The following CDH23 variants were observed in gnomAD, a reference collection of about 807,000 sequenced individuals.
The protein encoded by CDH23 is cadherin related 23, also known as cadherin-23.
CDH23 carries 189 observed loss-of-function variants against 317.1 expected under a neutral mutation model. The ratio of observed to expected loss-of-function variants is 0.60; its 90% CI spans 0.53 to 0.67. The LOEUF (loss-of-function observed/expected upper bound fraction) is 0.67. Ranked by LOEUF, CDH23 falls within the 30% of genes least tolerant of loss-of-function variation. CDH23 has a pLI of 0.00. For missense variants in CDH23, 4,401 were observed against 4,592.4 expected (o/e 0.96, Z 1.20); for synonymous variants, 1,839 against 1,876.8 (o/e 0.98, Z 0.52).
chr10:71,416,621 T>A (rs1450139393), intron 1 of CDH23, among the ~76,000 whole-genome samples: 1 of 151,852 alleles, frequency 6.6e-6, no homozygotes, highest in African/African-American at 2.4e-5. Flanking sequence ...GATCTGCTAT[T>A]GAATTTTTGC....
chr10:71,596,692 T>C (rs1044078145), intron 9 of CDH23, among the ~76,000 whole-genome samples: 1 of 152,060 alleles, frequency 6.6e-6, no homozygotes, highest in South Asian at 2.1e-4. Flanking sequence ...TGGACAGACA[T>C]GAGAAGCAGA....
chr10:71,792,522 C>T (rs1564796019), intron 47 of CDH23, among the ~76,000 whole-genome samples: 1 of 151,834 alleles, frequency 6.6e-6, no homozygotes, highest in East Asian at 1.9e-4. Flanking sequence ...AAACAACAAA[C>T]CAAAAAGTAT....
intron 6 of CDH23, among the ~76,000 whole-genome samples, chr10:71,541,272 C>T (rs1038883685): frequency 2.0e-5 from 3 of 152,178 alleles, no homozygotes; most frequent in African/African-American, 4.8e-5. Context: ...GTCATTTTCA[C>T]GCAGCAATTA....
chr10:71,716,236 G>A (rs958353934), intron 28 of CDH23: 4 of 1,550,368 alleles, frequency 2.6e-6, no homozygotes, highest in South Asian at 2.4e-5. Flanking sequence ...TGGGGAGGGG[G>A]TCAGTTGCCT....
intron 12 of CDH23, among the ~76,000 whole-genome samples, chr10:71,644,561 G>A (rs1564706101): frequency 6.6e-6 from 1 of 152,212 alleles, no homozygotes; most frequent in South Asian, 2.1e-4. Flanking sequence ...AACCAGCCTT[G>A]CAGGGACTAT....
rs1256722262 is a variant in CDH23 at position 71,773,520 on chromosome 10, T to G, written c.4846-4160T>G. ...CCGGCGCGGGGAAGCCTCCCGCGAC[T>G]GAGTGCGAGCGAGTGAGCGCTGCGG... On this transcript the variant is annotated intron_variant, in intron 38 of 69. Transcript: ENST00000224721. The G allele has an allele frequency of 3.6e-6, 5 of 1,388,806 alleles. No homozygotes were observed. In the South Asian group the frequency reaches 5.1e-5, roughly 14 times the overall value. 86.0% of individuals were successfully genotyped at this position (1,388,806 alleles called of 1,614,324 possible). A position where few individuals can be genotyped will look rare whatever the true frequency, so the allele number is the denominator to read the frequency against.
Position 71,555,467 on chromosome 10 carries a change from T to G in CDH23, c.430-11275T>G, listed in dbSNP as rs76360712. The stretch of plus-strand genomic sequence containing the variant: ...TTATGAACTTTGGTGCCACTTTGAC[T>G]CTTGATCCTTTGTATGTGGGCCAGC... On this transcript the variant is annotated intron_variant, in intron 6 of 69. Coordinates refer to ENST00000224721, the MANE Select transcript of CDH23 (RefSeq NM_022124.6). Among the ~76,000 whole-genome samples, 4,453 of 152,310 alleles carry G rather than the reference T, an allele frequency of 0.029. 466 individuals are homozygous for G. The East Asian group carries it at 0.34, about 12-fold the overall frequency.
In CDH23 at chr10:71,767,719, T is replaced by C. The variant is rs181252079; in HGVS notation, c.4846-9961T>C. 1.4e-3 allele frequency among the ~76,000 whole-genome samples: 219 copies of C among 152,362 alleles called. 3 individuals are homozygous for C. Among genetic ancestry groups the C allele is most frequent in the Admixed American group, 2.8e-3 (43 of 15,310 alleles). The stretch of plus-strand genomic sequence containing the variant: ...GGGCCTGAAGCCAGCAAGTCTGCCC[T>C]GGGGCTTTCTGGCCAGTGAGGACAA... On this transcript the variant is annotated intron_variant, in intron 38 of 69. Coordinates refer to ENST00000224721, the MANE Select transcript of CDH23 (RefSeq NM_022124.6).
intron 9 of CDH23, among the ~76,000 whole-genome samples, chr10:71,608,745 G>A (rs1860679417): frequency 6.6e-6 from 1 of 152,234 alleles, no homozygotes; most frequent in Non-Finnish European, 1.5e-5. Flanking sequence ...CGTGAGTTCT[G>A]AGCCCAGCAC....
chr10:71,764,611 G>A (rs9415996), intron 38 of CDH23, among the ~76,000 whole-genome samples: 47,905 of 152,042 alleles, frequency 0.32, 8,469 homozygotes, highest in South Asian at 0.47. Flanking sequence ...TGTCAGCTGG[G>A]GCTCAGTAGC....
chr10:71,551,798 A>G (rs1856611716), intron 6 of CDH23, among the ~76,000 whole-genome samples: 1 of 152,106 alleles, frequency 6.6e-6, no homozygotes, highest in South Asian at 2.1e-4. Context: ...CCGAGACACA[A>G]TAGACCAAGG....
At chr10:71,690,392 C>G in intron 19 of CDH23, 76 bp from the exon 20 acceptor site, 1 of 1,094,976 alleles carries the variant, frequency 9.1e-7, no homozygotes, top group South Asian at 1.5e-5. Flanking sequence ...GCAAATGCTG[C>G]TCCCAGGGCT....
intron 9 of CDH23, among the ~76,000 whole-genome samples, chr10:71,590,034 G>A (rs1048778182): frequency 6.6e-6 from 1 of 152,202 alleles, no homozygotes; most frequent in Admixed American, 6.5e-5. Flanking sequence ...CTGGCTGTAA[G>A]CCCATTTTTC....
At chr10:71,561,299 C>T (rs1857119117) in intron 6 of CDH23, among the ~76,000 whole-genome samples, 1 of 151,816 alleles carries the variant, frequency 6.6e-6, no homozygotes, top group African/African-American at 2.4e-5. Context: ...CTTCCTTCTC[C>T]TTGCCCCTCC....
In CDH23 at chr10:71,753,944, G is replaced by C. The variant is rs76857130; in HGVS notation, c.4845+12023G>C. On this transcript the variant is annotated intron_variant, in intron 38 of 69. Coordinates refer to ENST00000224721, the MANE Select transcript of CDH23 (RefSeq NM_022124.6). ...CTCTGTGCCACCCTTTGGGGTGAGG[G>C]TTGTTGGTCCCATTTTAGAGCTGGG... is the stretch of plus-strand genomic sequence containing the variant. 2,943 of 450,254 alleles carry C rather than the reference G, an allele frequency of 6.5e-3. 73 individuals are homozygous for C. The highest frequency in any genetic ancestry group is 0.053 in the African/African-American group (2,634 of 50,046). The allele number at this position is 450,254 out of a possible 1,614,324, so 27.9% of individuals were successfully genotyped here.
chr10:71,815,071 C>T lies in CDH23; in HGVS notation c.9858C>T (p.His3286=), dbSNP rs761835004. 46 of 1,611,620 alleles carry T rather than the reference C, an allele frequency of 2.9e-5. No individual in the cohort carries two copies. The highest frequency in any genetic ancestry group is 6.7e-5 in the African/African-American group (5 of 74,922). ...GGCCCGATGGGATCCATGTGGTGCA[C>T]GGCAGCACGGGCACGCTGCTGGCCA... The part of the protein sequence containing the change: ...LKGPDGIHVV[H]GSTGTLLATD... The change falls in exon 70 of 70, where the codon CAC becomes CAT. Residue 3286 remains histidine, a synonymous_variant. Coordinates refer to ENST00000224721, the MANE Select transcript of CDH23 (RefSeq NM_022124.6).
At position 71,435,422 on chromosome 10, in the gene CDH23, A is replaced by G. The variant is rs1161534461; in HGVS notation, c.-5-4405A>G. On this transcript the variant is annotated intron_variant, in intron 1 of 69. Coordinates refer to ENST00000224721, the MANE Select transcript of CDH23 (RefSeq NM_022124.6). ...CACAGCCGTATGTTCTCATGGCCCTATGTCCTCCCACTGTGCCTGGCACAA... is the reference window on the plus strand; with the variant it reads ...CACAGCCGTATGTTCTCATGGCCCTGTGTCCTCCCACTGTGCCTGGCACAA... 5.3e-5 allele frequency among the ~76,000 whole-genome samples: 8 copies of G among 152,262 alleles called. 1 individual carries two copies. The highest frequency in any genetic ancestry group is 4.1e-4 in the South Asian group (2 of 4,830).
chr10:71,738,725 T>G, intron 35 of CDH23, 78 bp downstream of exon 35: 1 of 1,511,616 alleles, frequency 6.6e-7, no homozygotes, highest in Non-Finnish European at 8.9e-7. Context: ...AGGGGCCTTC[T>G]GAGCCACCCC....
intron 1 of CDH23, among the ~76,000 whole-genome samples, chr10:71,427,292 A>ATACTTTTTAGC (rs1849149422): frequency 6.6e-6 from 1 of 151,206 alleles, no homozygotes; most frequent in Admixed American, 6.6e-5. Flanking sequence ...AAGCAAGCCC[A>ATACTTTTTAGC]TACTTTTTAG....
Sources: gnomAD v4.1 joint callset for allele counts (sites outside exome capture counted in the v4.1 genomes callset) on GRCh38, gnomAD v4.1.1 for gene constraint, MANE v1.5 for transcripts, NCBI Gene and HGNC (gene_info 2026-07-23, HGNC 2026-07-21) for gene names.